PTPRG: variants seen among roughly 807,000 people sequenced by gnomAD.
The protein encoded by PTPRG is protein tyrosine phosphatase receptor type G.
Under a neutral mutation model 165.3 loss-of-function variants are expected in PTPRG, and 102 were observed. The ratio of observed to expected loss-of-function variants is 0.62; its 90% CI spans 0.53 to 0.73. PTPRG has a LOEUF of 0.73. Ranked by LOEUF, PTPRG falls within the 30% of genes least tolerant of loss-of-function variation. The pLI is 0.00. For synonymous variants in PTPRG, 675 were observed against 669.5 expected, an observed-to-expected ratio of 1.01 and a Z score of -0.13; for missense variants, 1,866 against 1,861.4, an observed-to-expected ratio of 1.00 and a Z score of -0.05.
At chr3:61,840,302 A>AG (rs11435027) in intron 2 of PTPRG, among the ~76,000 whole-genome samples, 8,336 of 152,200 alleles carry the variant, frequency 0.055, 721 homozygotes, top group African/African-American at 0.19. Context: ...CTGAATATCC[A>AG]GGACCCATTT....
intron 2 of PTPRG, among the ~76,000 whole-genome samples, chr3:61,929,428 T>C (rs79361686): frequency 0.013 from 1,966 of 152,316 alleles, 40 homozygotes; most frequent in African/African-American, 0.044. Context: ...AGTGACCCCG[T>C]ATTTAGTCCT....
At chr3:62,166,197 CTTTTTTTTTTTTTTTTTT>C (rs564761041) in intron 7 of PTPRG, among the ~76,000 whole-genome samples, 55 of 53,934 alleles carry the variant, frequency 1.0e-3, no homozygotes, top group African/African-American at 1.2e-3. Flanking sequence ...AATTACAGTT[CTTTTTTTTTTTTTTTTTT>C]TTTTTTTTTT....
intron 2 of PTPRG, among the ~76,000 whole-genome samples, chr3:61,971,387 C>A (rs1437543944): frequency 3.3e-5 from 5 of 152,152 alleles, no homozygotes; most frequent in African/African-American, 9.7e-5. Flanking sequence ...TCAAGATATT[C>A]CAGGAAGAAA....
intron 2 of PTPRG, among the ~76,000 whole-genome samples, chr3:61,874,801 G>A (rs1362073961): frequency 1.3e-5 from 2 of 152,154 alleles, no homozygotes; most frequent in Non-Finnish European, 2.9e-5. Flanking sequence ...AGGATGAGAC[G>A]CCCTGCCCTA....
At chr3:61,835,607 T>G (rs1445088660) in intron 2 of PTPRG, among the ~76,000 whole-genome samples, 1 of 151,984 alleles carries the variant, frequency 6.6e-6, no homozygotes, top group Non-Finnish European at 1.5e-5. Flanking sequence ...GCTGGGATTA[T>G]AGGCATGAAC....
intron 2 of PTPRG, chr3:61,926,023 C>T (rs1009930227): frequency 6.6e-6 from 3 of 451,446 alleles, no homozygotes; most frequent in Non-Finnish European, 8.9e-6. Context: ...TCAGACCCTT[C>T]CTGTAACTAC....
At chr3:61,668,676 T>C (rs1318233820) in intron 1 of PTPRG, among the ~76,000 whole-genome samples, 1 of 152,210 alleles carries the variant, frequency 6.6e-6, no homozygotes, top group Non-Finnish European at 1.5e-5. Context: ...TTTGTCGCTT[T>C]TTTTTAAAAA....
chr3:62,158,152 AT>A (rs1368580184), intron 7 of PTPRG, among the ~76,000 whole-genome samples: 5 of 152,168 alleles, frequency 3.3e-5, no homozygotes, highest in Non-Finnish European at 5.9e-5. Context: ...TGGAGATAGA[AT>A]TGAGGCAGTG....
At chr3:62,265,531 A>T (rs1422950886) in intron 17 of PTPRG, among the ~76,000 whole-genome samples, 1 of 152,112 alleles carries the variant, frequency 6.6e-6, no homozygotes, top group Non-Finnish European at 1.5e-5. Context: ...TGTATACATG[A>T]TGTCCTCTAT....
chr3:62,072,458 A>C (rs1322106387), intron 4 of PTPRG, among the ~76,000 whole-genome samples: 1 of 152,200 alleles, frequency 6.6e-6, no homozygotes, highest in African/African-American at 2.4e-5. Context: ...CACAAGGCAG[A>C]GTTGAATGAT....
intron 1 of PTPRG, among the ~76,000 whole-genome samples, chr3:61,581,601 CT>C (rs1447713955): frequency 9.0e-6 from 1 of 110,758 alleles, no homozygotes; most frequent in Non-Finnish European, 1.7e-5. Flanking sequence ...ATGGTTGCTT[CT>C]TTTTTTCTTT....
At chr3:61,619,376 G>C (rs1395429934) in intron 1 of PTPRG, among the ~76,000 whole-genome samples, 1 of 152,120 alleles carries the variant, frequency 6.6e-6, no homozygotes, top group African/African-American at 2.4e-5. Context: ...TAATAGTTTT[G>C]TTCTCTTCCA....
At chr3:61,757,591 A>G (rs1462685857) in intron 2 of PTPRG, among the ~76,000 whole-genome samples, 1 of 152,210 alleles carries the variant, frequency 6.6e-6, no homozygotes, top group Non-Finnish European at 1.5e-5. Flanking sequence ...ATATTGACTT[A>G]GTTTGAAATG....
At chr3:61,826,837 T>TG (rs1559634242) in intron 2 of PTPRG, among the ~76,000 whole-genome samples, 2 of 150,972 alleles carry the variant, frequency 1.3e-5, no homozygotes, top group African/African-American at 4.9e-5. Flanking sequence ...AAAGGTTTTT[T>TG]TTTTTTTTTT....
At chr3:62,076,695 C>T (rs963046649) in intron 4 of PTPRG, among the ~76,000 whole-genome samples, 7 of 151,982 alleles carry the variant, frequency 4.6e-5, no homozygotes, top group Non-Finnish European at 8.8e-5. Flanking sequence ...GATTCTCCTG[C>T]CTCAGCCTCC....
At chr3:61,766,636 T>G (rs1575646793) in intron 2 of PTPRG, among the ~76,000 whole-genome samples, 3 of 151,782 alleles carry the variant, frequency 2.0e-5, no homozygotes, top group Admixed American at 2.0e-4. Context: ...TTTTTTCGTT[T>G]AAGACAGTCT....
intron 8 of PTPRG, among the ~76,000 whole-genome samples, chr3:62,170,364 G>A (rs906326732): frequency 6.6e-6 from 1 of 151,874 alleles, no homozygotes; most frequent in Non-Finnish European, 1.5e-5. Flanking sequence ...GATGTGGATT[G>A]GGGGGGTGAG....
rs765383368 is a variant in PTPRG at position 62,195,206 on chromosome 3, C to T, written c.1327+36C>T. ...CTTCCCCTCCTGTGGCCGGGGTGCCCCTGAGACTCCCTCCCAATGCTTTCT... is the reference window on the plus strand; with the variant it reads ...CTTCCCCTCCTGTGGCCGGGGTGCCTCTGAGACTCCCTCCCAATGCTTTCT... On this transcript the variant is annotated intron_variant, in intron 10 of 29. Transcript: ENST00000474889. This position sits in a 1 kb window ranked among gnomAD's most constrained non-coding sequence, Gnocchi z 4.4. 13 of 1,538,514 alleles carry T rather than the reference C, an allele frequency of 8.4e-6. No homozygotes were observed. Among genetic ancestry groups the T allele is most frequent in the Non-Finnish European group, 9.9e-6 (11 of 1,111,346 alleles).
intron 6 of PTPRG, among the ~76,000 whole-genome samples, chr3:62,136,084 G>T (rs1703699233): frequency 6.6e-6 from 1 of 152,102 alleles, no homozygotes; most frequent in Non-Finnish European, 1.5e-5. Context: ...CTTAAGAGTG[G>T]CACAGAGCTT....
Sources: allele counts gnomAD v4.1 joint callset (sites outside exome capture counted in the v4.1 genomes callset), GRCh38; gene constraint gnomAD v4.1.1; non-coding constraint Gnocchi (gnomAD v3.1); transcripts MANE v1.5; gene names NCBI Gene and HGNC (gene_info 2026-07-23, HGNC 2026-07-21).